Variants in NTRK3 observed in about 807,000 individuals in gnomAD.
The protein encoded by NTRK3 is NT-3 growth factor receptor.
In NTRK3, 24 loss-of-function variants were observed where a neutral mutation model predicts 91.7. The ratio of observed to expected loss-of-function variants is 0.26; its 90% CI spans 0.19 to 0.37. The LOEUF is 0.37. Ranked by LOEUF, NTRK3 falls within the 10% of genes least tolerant of loss-of-function variation. NTRK3 has a pLI of 1.00. For missense variants in NTRK3, 880 were observed against 1,068.9 expected (o/e 0.82, Z 2.46); for synonymous variants, 483 against 404.0 (o/e 1.20, Z -2.34).
intron 13 of NTRK3, among the ~76,000 whole-genome samples, chr15:88,056,884 G>C (rs1461773986): frequency 6.6e-6 from 1 of 152,194 alleles, no homozygotes; most frequent in Non-Finnish European, 1.5e-5. Flanking sequence ...ACAAAGAAAT[G>C]TGTCGGCCGG....
intron 17 of NTRK3, among the ~76,000 whole-genome samples, chr15:87,909,823 TG>T (rs1160507733): frequency 6.6e-6 from 1 of 152,112 alleles, no homozygotes; most frequent in Admixed American, 6.5e-5. Flanking sequence ...GATGACCATG[TG>T]GGGACACAGT....
chr15:88,075,296 C>T (rs1278641754), intron 13 of NTRK3, among the ~76,000 whole-genome samples: 2 of 152,202 alleles, frequency 1.3e-5, no homozygotes, highest in African/African-American at 2.4e-5. Flanking sequence ...TGACGTCAGC[C>T]CCTGTCTAGC....
chr15:88,020,009 C>T (rs947376502), intron 14 of NTRK3, among the ~76,000 whole-genome samples: 7 of 152,174 alleles, frequency 4.6e-5, no homozygotes, highest in African/African-American at 1.7e-4. Flanking sequence ...AAGGGCTGTG[C>T]ACTCATGTCT....
At chr15:88,144,307 A>G (rs962663385) in intron 6 of NTRK3, 3 of 152,206 alleles carry the variant, frequency 2.0e-5, no homozygotes, top group African/African-American at 7.2e-5. Context: ...AATTCACTCA[A>G]TAAGAGGTAC....
chr15:87,930,547 G>A lies in NTRK3; in HGVS notation c.1890-1113C>T, dbSNP rs578158011. ...ACAAGGAAGAGGGGTCAGCAGAGAA[G>A]CCCTCCCTTCTGTCTGCCTGGAGAG... On this transcript the variant is annotated intron_variant, in intron 16 of 18. Coordinates refer to ENST00000394480, the Ensembl canonical transcript of NTRK3. Among the ~76,000 whole-genome samples the A allele has an allele frequency of 1.5e-3, 226 of 152,240 alleles. 1 individual carries two copies. The highest frequency in any genetic ancestry group is 5.2e-3 in the African/African-American group (218 of 41,542).
intron 13 of NTRK3, among the ~76,000 whole-genome samples, chr15:88,079,226 G>A (rs1313196781): frequency 6.6e-6 from 1 of 152,192 alleles, no homozygotes; most frequent in African/African-American, 2.4e-5. Context: ...CAAAGAGACT[G>A]GGATTAGATG....
chr15:88,077,726 A>G (rs1163522459), intron 13 of NTRK3, among the ~76,000 whole-genome samples: 4 of 152,194 alleles, frequency 2.6e-5, no homozygotes, highest in Non-Finnish European at 5.9e-5. Context: ...GAAACACTCT[A>G]AAAACCTCCC....
At chr15:88,040,208 T>G (rs1340657091) in intron 13 of NTRK3, among the ~76,000 whole-genome samples, 1 of 152,256 alleles carries the variant, frequency 6.6e-6, no homozygotes, top group Non-Finnish European at 1.5e-5. Context: ...AAGAGGAATC[T>G]CTATTTTACT....
intron 16 of NTRK3, among the ~76,000 whole-genome samples, chr15:87,930,800 T>C (rs2068726838): frequency 6.6e-6 from 1 of 152,172 alleles, no homozygotes; most frequent in South Asian, 2.1e-4. Flanking sequence ...ACTGGGAATC[T>C]GGTCAGTAGT....
chr15:88,096,554 TC>T (rs1401861669), intron 13 of NTRK3, among the ~76,000 whole-genome samples: 1 of 152,172 alleles, frequency 6.6e-6, no homozygotes, highest in Admixed American at 6.5e-5. Context: ...AGAGCCTGCA[TC>T]CTTTTTCTTT....
intron 14 of NTRK3, among the ~76,000 whole-genome samples, chr15:87,977,071 G>C (rs902023562): frequency 1.8e-4 from 27 of 152,176 alleles, no homozygotes; most frequent in Non-Finnish European, 3.5e-4. Flanking sequence ...TTTGAATCTT[G>C]CTTTCACCTC....
chr15:88,255,758 C>A lies in NTRK3; in HGVS notation c.248+148G>T. The A allele has an allele frequency of 1.8e-6, 1 of 567,026 alleles. No individual in the cohort carries two copies. Among genetic ancestry groups the A allele is most frequent in the Non-Finnish European group, 2.6e-6 (1 of 379,634 alleles). 35.1% of individuals were successfully genotyped at this position (567,026 alleles called of 1,614,324 possible). ...GGAATGCGCAGCCGGAGAGCATCTC[C>A]CGAGCCAGAGCGAGCCTGACGCGCG... is the stretch of plus-strand genomic sequence containing the variant. On this transcript the variant is annotated intron_variant, in intron 3 of 18. Transcript: ENST00000394480. The surrounding 1 kb of genome is among the most constrained non-coding windows in gnomAD (Gnocchi z 4.3).
At chr15:87,983,031 T>C (rs961375739) in intron 14 of NTRK3, among the ~76,000 whole-genome samples, 1 of 152,246 alleles carries the variant, frequency 6.6e-6, no homozygotes, top group African/African-American at 2.4e-5. Flanking sequence ...GATGAGACTA[T>C]TACCTAACTG....
chr15:87,925,111 T>C (rs1242745217), intron 17 of NTRK3, among the ~76,000 whole-genome samples: 1 of 152,170 alleles, frequency 6.6e-6, no homozygotes, highest in East Asian at 1.9e-4. Context: ...AAAGCCAGTG[T>C]AAAGGTAATC....
At chr15:88,229,824 T>G (rs1166518877) in intron 3 of NTRK3, among the ~76,000 whole-genome samples, 1 of 152,266 alleles carries the variant, frequency 6.6e-6, no homozygotes, top group Non-Finnish European at 1.5e-5. Flanking sequence ...ACAAGATGAA[T>G]GGATCAGTGT....
chr15:88,037,500 T>G lies in NTRK3; in HGVS notation c.1397-4455A>C, dbSNP rs971207829. 4.6e-5 allele frequency among the ~76,000 whole-genome samples: 7 copies of G among 152,142 alleles called. No homozygotes were observed. In the East Asian group the frequency reaches 1.3e-3, roughly 29 times the overall value. ...TCACTTGAACCTGGTAGTCGGAGAT[T>G]GCAGTGAGCTGAGATGGCACCCACT... On this transcript the variant is annotated intron_variant, in intron 13 of 18. Coordinates refer to ENST00000394480, the Ensembl canonical transcript of NTRK3.
chr15:87,963,936 G>A (rs2072544777), intron 14 of NTRK3, among the ~76,000 whole-genome samples: 1 of 152,120 alleles, frequency 6.6e-6, no homozygotes, highest in African/African-American at 2.4e-5. Context: ...CCATTTCCGT[G>A]TTTTATAAGA....
chr15:87,969,300 G>C (rs147661602), intron 14 of NTRK3, among the ~76,000 whole-genome samples: 2 of 152,310 alleles, frequency 1.3e-5, no homozygotes, highest in African/African-American at 4.8e-5. Flanking sequence ...TTACTGACGC[G>C]TGTGCCAGAG....
intron 13 of NTRK3, among the ~76,000 whole-genome samples, chr15:88,054,003 G>A (rs755049472): frequency 6.6e-6 from 1 of 152,174 alleles, no homozygotes; most frequent in African/African-American, 2.4e-5. Context: ...GATAGAATGT[G>A]CTGGGCTGCA....
Sources: gnomAD v4.1 joint callset for allele counts (sites outside exome capture counted in the v4.1 genomes callset) on GRCh38, gnomAD v4.1.1 for gene constraint, Gnocchi (gnomAD v3.1) non-coding constraint, MANE v1.5 for transcripts, NCBI Gene and HGNC (gene_info 2026-07-23, HGNC 2026-07-21) for gene names.